Variants in AGBL1 observed in about 807,000 individuals in gnomAD.
AGBL1 encodes AGBL carboxypeptidase 1.
A neutral mutation model predicts 118.9 loss-of-function variants in AGBL1; 130 were observed. The ratio of observed to expected loss-of-function variants is 1.09; its 90% CI spans 0.95 to 1.26. AGBL1 has a LOEUF of 1.26. Among genes scored for constraint, AGBL1 ranks in the 50% most tolerant of loss-of-function variants. AGBL1 has a pLI of 0.00. For missense variants in AGBL1, 1,584 were observed against 1,298.1 expected (o/e 1.22, Z -3.38); for synonymous variants, 555 against 478.9 (o/e 1.16, Z -2.08).
At chr15:86,135,853 G>T (rs1395086363) in intron 1 of AGBL1, among the ~76,000 whole-genome samples, 1 of 152,188 alleles carries the variant, frequency 6.6e-6, no homozygotes, top group Admixed American at 6.5e-5. Flanking sequence ...TGGCAGAAGT[G>T]ATGTTTGGCC....
chr15:86,473,496 T>A (rs2082509562), intron 18 of AGBL1, among the ~76,000 whole-genome samples: 1 of 152,226 alleles, frequency 6.6e-6, no homozygotes, highest in East Asian at 1.9e-4. Flanking sequence ...GTTAATATTT[T>A]AGGGTATAAA....
chr15:86,264,466 A>C lies in AGBL1; in HGVS notation c.1295A>C (p.Lys432Thr). 2.5e-6 allele frequency: 4 copies of C among 1,614,048 alleles called. No individual in the cohort carries two copies. Among genetic ancestry groups the C allele is most frequent in the Non-Finnish European group, 3.4e-6 (4 of 1,179,894 alleles). ...TCCACTGTGCATCTAGGCTCCAAAA[A>C]AAATCCTGGAGTGAACCTGTACCAA... ...GRSTVHLGSK[K>T]NPGVNLYQNV... Residue 432 changes from lysine (K) to threonine (T), a missense_variant, in exon 11 of 23, where the codon AAA becomes ACA. Coordinates refer to ENST00000614907, the MANE Select transcript of AGBL1 (RefSeq NM_001386094.1).
Position 86,329,059 on chromosome 15 carries a change from C to A in AGBL1, c.2374+33651C>A, listed in dbSNP as rs117283082. ...GAATTGTGCTCTTCCCCATTGCAGG[C>A]CTGGGGTGGAAGGAGAGCTGCTACA... is the stretch of plus-strand genomic sequence containing the variant. On this transcript the variant is annotated intron_variant, in intron 17 of 22. Coordinates refer to ENST00000614907, the MANE Select transcript of AGBL1 (RefSeq NM_001386094.1). 6.4e-3 allele frequency among the ~76,000 whole-genome samples: 970 copies of A among 152,224 alleles called. 76 individuals carry two copies. The East Asian group carries it at 0.16, about 25-fold the overall frequency.
At chr15:86,865,079 G>C (rs1372116204) in intron 22 of AGBL1, among the ~76,000 whole-genome samples, 1 of 152,166 alleles carries the variant, frequency 6.6e-6, no homozygotes, top group Non-Finnish European at 1.5e-5. Context: ...ACCCCTAAGA[G>C]TGCTGATCCA....
chr15:86,505,454 T>G (rs1467611556), intron 18 of AGBL1, among the ~76,000 whole-genome samples: 1 of 151,830 alleles, frequency 6.6e-6, no homozygotes, highest in South Asian at 2.1e-4. Flanking sequence ...ACTCTGTTAA[T>G]TTTTTAGATC....
At chr15:86,157,811 C>T (rs955839242) in intron 4 of AGBL1, among the ~76,000 whole-genome samples, 7 of 152,158 alleles carry the variant, frequency 4.6e-5, no homozygotes, top group African/African-American at 7.2e-5. Flanking sequence ...TGGAAGTTCT[C>T]AGATGGCCAA....
intron 17 of AGBL1, among the ~76,000 whole-genome samples, chr15:86,308,086 C>T (rs2079867427): frequency 6.6e-6 from 1 of 152,036 alleles, no homozygotes; most frequent in Non-Finnish European, 1.5e-5. Context: ...TTATATAATT[C>T]TATTTATAAT....
chr15:86,808,747 C>G (rs2078751220), intron 22 of AGBL1, among the ~76,000 whole-genome samples: 1 of 150,998 alleles, frequency 6.6e-6, no homozygotes, highest in Admixed American at 6.6e-5. Flanking sequence ...TTCTTTCCTT[C>G]CTTCTCTCCT....
At chr15:86,946,411 AG>A (rs1380846953) in intron 23 of AGBL1, 11 of 152,186 alleles carry the variant, frequency 7.2e-5, no homozygotes, top group African/African-American at 2.7e-4. Flanking sequence ...AATTTATTCC[AG>A]TGCTAGTTTA....
intron 22 of AGBL1, among the ~76,000 whole-genome samples, chr15:86,814,159 C>T (rs1485830697): frequency 6.6e-6 from 1 of 152,186 alleles, no homozygotes; most frequent in Non-Finnish European, 1.5e-5. Flanking sequence ...GCATTACCGC[C>T]TGAGCTCTGC....
downstream of AGBL1, among the ~76,000 whole-genome samples, chr15:86,917,988 T>C (rs1377678780): frequency 6.6e-6 from 1 of 152,220 alleles, no homozygotes; most frequent in Non-Finnish European, 1.5e-5. The surrounding 1 kb of genome is among the most constrained non-coding windows in gnomAD (Gnocchi z 4.8). Flanking sequence ...AGCTGGGTTC[T>C]CATTATATTT....
At chr15:87,011,067 G>T (rs536156495) in intron 24 of AGBL1, among the ~76,000 whole-genome samples, 5 of 152,176 alleles carry the variant, frequency 3.3e-5, no homozygotes, top group Non-Finnish European at 7.3e-5. Context: ...TCATATATGA[G>T]TGAGACCATG....
chr15:86,718,087 C>CA (rs1288358478), intron 22 of AGBL1, among the ~76,000 whole-genome samples: 1 of 150,968 alleles, frequency 6.6e-6, no homozygotes, highest in African/African-American at 2.5e-5. Flanking sequence ...CCCATCTAAA[C>CA]AAAAAAATTA....
intron 21 of AGBL1, among the ~76,000 whole-genome samples, chr15:86,586,716 GTT>G (rs1264592903): frequency 1.3e-5 from 2 of 152,134 alleles, no homozygotes; most frequent in African/African-American, 4.8e-5. Context: ...GTATACAATA[GTT>G]TGGTCTGAAA....
chr15:86,615,117 G>T lies in AGBL1; in HGVS notation c.2995-59156G>T, dbSNP rs998901868. ...AATGTCTTGAGTGACACATTAAGCA[G>T]CATGTTGAGGGTGATGGAGAGTCAC... is the stretch of plus-strand genomic sequence containing the variant. On this transcript the variant is annotated intron_variant, in intron 21 of 22. Transcript: ENST00000614907. The surrounding 1 kb of genome is among the most constrained non-coding windows in gnomAD (Gnocchi z 4.3). 6.6e-6 allele frequency among the ~76,000 whole-genome samples: 1 copy of T among 152,208 alleles called. No individual in the cohort carries two copies. The highest frequency in any genetic ancestry group is 1.5e-5 in the Non-Finnish European group (1 of 68,040).
chr15:86,388,720 A>T, intron 17 of AGBL1, among the ~76,000 whole-genome samples: 1 of 152,174 alleles, frequency 6.6e-6, no homozygotes, highest in East Asian at 1.9e-4. Context: ...AATGAAAAGA[A>T]TATTGGATTT....
At chr15:86,251,418 T>A (rs7170121) in intron 7 of AGBL1, among the ~76,000 whole-genome samples, 7,340 of 152,238 alleles carry the variant, frequency 0.048, 240 homozygotes, top group South Asian at 0.12. Context: ...TGTGCTTTCC[T>A]GACAACTTCC....
chr15:86,235,750 G>A (rs540797307), intron 6 of AGBL1, among the ~76,000 whole-genome samples: 1 of 152,326 alleles, frequency 6.6e-6, no homozygotes, highest in South Asian at 2.1e-4. Context: ...TATAACAGTA[G>A]TTCTCAACAT....
intron 23 of AGBL1, among the ~76,000 whole-genome samples, chr15:86,964,793 C>A (rs1344408541): frequency 6.6e-6 from 1 of 152,030 alleles, no homozygotes; most frequent in African/African-American, 2.4e-5. Context: ...CCCCCCAACC[C>A]CTGACAGGCC....
Sources: gnomAD v4.1 joint callset for allele counts (sites outside exome capture counted in the v4.1 genomes callset) on GRCh38, gnomAD v4.1.1 for gene constraint, Gnocchi (gnomAD v3.1) non-coding constraint, MANE v1.5 for transcripts, NCBI Gene and HGNC (gene_info 2026-07-23, HGNC 2026-07-21) for gene names.